The following MARK2 variants were observed in gnomAD, a reference collection of about 807,000 sequenced individuals.
MARK2 encodes the protein serine/threonine-protein kinase MARK2.
A neutral mutation model predicts 89.8 loss-of-function variants in MARK2; 16 were observed. The ratio of observed to expected loss-of-function variants is 0.18; its 90% CI spans 0.12 to 0.27. The LOEUF (loss-of-function observed/expected upper bound fraction) is 0.27. Among genes scored for constraint, MARK2 ranks in the 10% least tolerant of loss-of-function variants. The probability of loss-of-function intolerance (pLI) is 1.00; values close to 1 mark genes in which losing one functional copy is unlikely to be tolerated. For synonymous variants in MARK2, 382 were observed against 399.5 expected (o/e 0.96, Z 0.52); for missense variants, 621 against 1,049.9 (o/e 0.59, Z 5.65).
In MARK2 at chr11:63,900,544, T is replaced by C; in HGVS notation, c.769-15T>C. The C allele has an allele frequency of 6.2e-7, 1 of 1,613,524 alleles. No individual in the cohort carries two copies. Among genetic ancestry groups the C allele is most frequent in the Non-Finnish European group, 8.5e-7 (1 of 1,179,584 alleles). On this transcript the variant is annotated splice_polypyrimidine_tract_variant and intron_variant, in intron 8 of 18. Coordinates refer to ENST00000402010, the MANE Select transcript of MARK2 (RefSeq NM_001039469.3). This position sits in a 1 kb window ranked among gnomAD's most constrained non-coding sequence, Gnocchi z 4.7. ...TGGGGTGATTTCAATTTTCTAACCC[T>C]GGATCCTCCTGCAGGAGCTGCGGGA...
chr11:63,884,918 A>T (rs777671916), intron 1 of MARK2, among the ~76,000 whole-genome samples: 7 of 152,214 alleles, frequency 4.6e-5, no homozygotes, highest in Non-Finnish European at 1.0e-4. Context: ...GATGTCCCAT[A>T]TGGCCATGCG....
intron 1 of MARK2, among the ~76,000 whole-genome samples, chr11:63,881,139 T>TAA (rs879444353): frequency 1.4e-5 from 2 of 139,034 alleles, no homozygotes; most frequent in African/African-American, 2.6e-5. Flanking sequence ...TCCCGTCTAC[T>TAA]AAAAAAAAAA....
chr11:63,839,934 G>A (rs1353235615), intron 1 of MARK2, among the ~76,000 whole-genome samples: 1 of 152,026 alleles, frequency 6.6e-6, no homozygotes, highest in East Asian at 1.9e-4. Flanking sequence ...AGCACCCCGC[G>A]ATTTGCCACA....
At position 63,904,672 on chromosome 11, in the gene MARK2, C is replaced by G; in HGVS notation, c.1677-114C>G. 1.2e-6 allele frequency: 1 copy of G among 837,250 alleles called. No individual in the cohort carries two copies. The highest frequency in any genetic ancestry group is 2.0e-6 in the Non-Finnish European group (1 of 497,910). The allele number at this position is 837,250 out of a possible 1,614,324, so 51.9% of individuals were successfully genotyped here. A position where few individuals can be genotyped will look rare whatever the true frequency, so the allele number is the denominator to read the frequency against. On this transcript the variant is annotated intron_variant, in intron 15 of 18. Coordinates refer to ENST00000402010, the MANE Select transcript of MARK2 (RefSeq NM_001039469.3). The surrounding 1 kb of genome is among the most constrained non-coding windows in gnomAD (Gnocchi z 6.3). The stretch of plus-strand genomic sequence containing the variant: ...CCTTCCTTCTGTGTCCTCGTGATGG[C>G]TGCCTCTGCCCTAGCATCCCCCTCC...
At chr11:63,864,058 AT>A (rs891316302) in intron 1 of MARK2, among the ~76,000 whole-genome samples, 9 of 151,612 alleles carry the variant, frequency 5.9e-5, no homozygotes, top group African/African-American at 2.2e-4. Context: ...GATTCATGAC[AT>A]TCTCCTGCCT....
At chr11:63,879,190 C>G (rs1018740448) in intron 1 of MARK2, among the ~76,000 whole-genome samples, 2 of 152,046 alleles carry the variant, frequency 1.3e-5, no homozygotes, top group African/African-American at 2.4e-5. Context: ...GCCTGTACTC[C>G]CAGCTACTCT....
chr11:63,850,532 C>G (rs2016523405), intron 1 of MARK2, among the ~76,000 whole-genome samples: 1 of 151,854 alleles, frequency 6.6e-6, no homozygotes, highest in African/African-American at 2.4e-5. Flanking sequence ...GATTCATGTA[C>G]TTCTGAGAAC....
chr11:63,908,334 G>GC, intron 18 of MARK2, 30 bp downstream of exon 18: 1 of 1,547,276 alleles, frequency 6.5e-7, no homozygotes. Context: ...CACTGGCCCT[G>GC]CCCGGGCCAC....
intron 1 of MARK2, among the ~76,000 whole-genome samples, chr11:63,842,417 A>G (rs1376221985): frequency 1.3e-5 from 2 of 152,114 alleles, no homozygotes; most frequent in East Asian, 1.9e-4. Context: ...GCGTTTCACC[A>G]TGTTGTCCAG....
chr11:63,846,053 C>G (rs1349234290), intron 1 of MARK2, among the ~76,000 whole-genome samples: 2 of 151,904 alleles, frequency 1.3e-5, no homozygotes, highest in Non-Finnish European at 2.9e-5. Flanking sequence ...TGAGATAGTA[C>G]AGCTGATTCT....
intron 1 of MARK2, among the ~76,000 whole-genome samples, chr11:63,863,695 C>A (rs1937951441): frequency 6.6e-6 from 1 of 151,846 alleles, no homozygotes; most frequent in Non-Finnish European, 1.5e-5. Flanking sequence ...AACTCCTGAC[C>A]TCAAGTGATC....
rs1741339560 is a variant in MARK2 at position 63,903,882 on chromosome 11, A to G, written c.1515-104A>G. 3.2e-6 allele frequency: 3 copies of G among 933,748 alleles called. No individual in the cohort carries two copies. The highest frequency in any genetic ancestry group is 4.8e-6 in the Non-Finnish European group (3 of 628,418). The allele number at this position is 933,748 out of a possible 1,614,324, so 57.8% of individuals were successfully genotyped here. A position where few individuals can be genotyped will look rare whatever the true frequency, so the allele number is the denominator to read the frequency against. On this transcript the variant is annotated intron_variant, in intron 14 of 18. Coordinates refer to ENST00000402010, the MANE Select transcript of MARK2 (RefSeq NM_001039469.3). This position sits in a 1 kb window ranked among gnomAD's most constrained non-coding sequence, Gnocchi z 5.1. ...GCCCAGGCCTGACTTCTACCCTGCC[A>G]GAGCTCCCCAGCTCTGGCCCTTCCC...
chr11:63,852,027 C>T (rs555391784), intron 1 of MARK2, among the ~76,000 whole-genome samples: 18 of 152,310 alleles, frequency 1.2e-4, no homozygotes, highest in African/African-American at 3.6e-4. Flanking sequence ...TCAGGTGATG[C>T]ACGAAGTCAA....
At chr11:63,848,727 CTTTTTT>C (rs911187527) in intron 1 of MARK2, among the ~76,000 whole-genome samples, 2 of 144,850 alleles carry the variant, frequency 1.4e-5, no homozygotes, top group Non-Finnish European at 3.1e-5. Context: ...ATTTTTTGTA[CTTTTTT>C]TTTTTTTAAA....
chr11:63,888,487 G>A, intron 1 of MARK2: 1 of 1,003,124 alleles, frequency 1.0e-6, no homozygotes, highest in East Asian at 1.1e-4. Context: ...CACTTCCGGG[G>A]AGGGGGGGAG....
At chr11:63,867,579 C>T (rs1229528357) in intron 1 of MARK2, among the ~76,000 whole-genome samples, 1 of 152,118 alleles carries the variant, frequency 6.6e-6, no homozygotes, top group Non-Finnish European at 1.5e-5. Flanking sequence ...TCTTGAGTGG[C>T]TTTATTTTCA....
intron 3 of MARK2, among the ~76,000 whole-genome samples, chr11:63,896,794 C>A (rs1176138091): frequency 6.6e-6 from 1 of 152,120 alleles, no homozygotes; most frequent in Non-Finnish European, 1.5e-5. Flanking sequence ...CTGCTTATGA[C>A]ATCCTGGCTC....
chr11:63,839,943 C>T (rs1425354740), intron 1 of MARK2, among the ~76,000 whole-genome samples: 1 of 152,166 alleles, frequency 6.6e-6, no homozygotes, highest in East Asian at 1.9e-4. Flanking sequence ...CGATTTGCCA[C>T]AGATCGTTGT....
intron 1 of MARK2, among the ~76,000 whole-genome samples, chr11:63,842,500 C>T (rs554333062): frequency 1.3e-5 from 2 of 152,172 alleles, no homozygotes; most frequent in African/African-American, 4.8e-5. Context: ...GCCACTGCGC[C>T]GGGCCTGATT....
Sources: allele counts gnomAD v4.1 joint callset (sites outside exome capture counted in the v4.1 genomes callset), GRCh38; gene constraint gnomAD v4.1.1; non-coding constraint Gnocchi (gnomAD v3.1); transcripts MANE v1.5; gene names NCBI Gene and HGNC (gene_info 2026-07-23, HGNC 2026-07-21).